MAMDC2: variants seen among roughly 807,000 people sequenced by gnomAD.
MAMDC2 encodes the protein MAM domain-containing protein 2.
MAMDC2 carries 57 observed loss-of-function variants against 89.8 expected under a neutral mutation model. The observed-to-expected ratio is 0.63, with a 90% CI of 0.51 to 0.79. The LOEUF is 0.79. MAMDC2 is among the 30% of genes least tolerant of loss of function. MAMDC2 has a pLI of 0.00. For synonymous variants in MAMDC2, 313 were observed against 293.4 expected (o/e 1.07, Z -0.68); for missense variants, 800 against 820.6 (o/e 0.97, Z 0.31).
rs1826664565 is a variant in MAMDC2 at position 70,043,885 on chromosome 9, A to C, written c.-313A>C. On this transcript the variant is annotated 5_prime_UTR_variant, in exon 1 of 14. Coordinates refer to ENST00000377182, the MANE Select transcript of MAMDC2 (RefSeq NM_153267.5). ...CCCAGCCAGTCGTGGCTGGCCTTTC[A>C]AAGTGTGCAGTTGTCTCCTCCCTGT... is the stretch of plus-strand genomic sequence containing the variant. 3 of 465,636 alleles carry C rather than the reference A, an allele frequency of 6.4e-6. No homozygotes were observed. Among genetic ancestry groups the C allele is most frequent in the African/African-American group, 5.9e-5 (3 of 50,744 alleles). 28.8% of individuals were successfully genotyped at this position (465,636 alleles called of 1,614,324 possible).
chr9:70,219,042 T>A (rs2033505335), intron 12 of MAMDC2, among the ~76,000 whole-genome samples: 1 of 152,212 alleles, frequency 6.6e-6, no homozygotes, highest in Non-Finnish European at 1.5e-5. Context: ...TAAGTTTTGT[T>A]TTTTTAATGC....
At chr9:70,096,050 A>G (rs965307307) in intron 2 of MAMDC2, among the ~76,000 whole-genome samples, 5 of 151,718 alleles carry the variant, frequency 3.3e-5, no homozygotes, top group Admixed American at 6.6e-5. Flanking sequence ...TTGAGACACA[A>G]TCTTGCTCTC....
intron 6 of MAMDC2, 136 bp from the exon 7 acceptor site, chr9:70,131,383 T>C: frequency 3.2e-6 from 2 of 620,622 alleles, no homozygotes; most frequent in South Asian, 2.1e-5. Context: ...AAACTCATAT[T>C]TGGAAATCTG....
chr9:70,052,932 T>C (rs1335492790), intron 2 of MAMDC2, among the ~76,000 whole-genome samples: 1 of 152,202 alleles, frequency 6.6e-6, no homozygotes, highest in Non-Finnish European at 1.5e-5. Context: ...TCTTGGATTA[T>C]TTACCCATCA....
chr9:70,132,222 C>A (rs2030837687), intron 7 of MAMDC2, among the ~76,000 whole-genome samples: 1 of 152,046 alleles, frequency 6.6e-6, no homozygotes, highest in African/African-American at 2.4e-5. Flanking sequence ...TTTTTACTCT[C>A]TGGAAAAATA....
chr9:70,209,794 A>C (rs1216125176), intron 11 of MAMDC2, among the ~76,000 whole-genome samples: 1 of 152,180 alleles, frequency 6.6e-6, no homozygotes, highest in Non-Finnish European at 1.5e-5. Flanking sequence ...TTCCCTCTAC[A>C]CACTGCTTTA....
chr9:70,070,778 AT>A (rs1827385672), intron 2 of MAMDC2, among the ~76,000 whole-genome samples: 1 of 151,952 alleles, frequency 6.6e-6, no homozygotes, highest in African/African-American at 2.4e-5. Flanking sequence ...GTCTTATCCC[AT>A]TTCTTATTTG....
Position 70,143,883 on chromosome 9 carries a change from G to T in MAMDC2, c.1404+64G>T, listed in dbSNP as rs939252059. ...TGCTGGACTAGTTTTGTGAATGTCC[G>T]TCTAGCTACTGTCAACTGGTGATGT... On this transcript the variant is annotated intron_variant, in intron 9 of 13. Transcript: ENST00000377182. 1.9e-6 allele frequency: 3 copies of T among 1,563,350 alleles called. No individual in the cohort carries two copies. In the African/African-American group the frequency reaches 4.1e-5, roughly 21 times the overall value.
chr9:70,076,289 CAGGCACCTGT>C (rs1827531792), intron 2 of MAMDC2, among the ~76,000 whole-genome samples: 1 of 152,036 alleles, frequency 6.6e-6, no homozygotes, highest in South Asian at 2.1e-4. Context: ...AGTGTGGTGG[CAGGCACCTGT>C]AGTTTCAGCT....
intron 2 of MAMDC2, among the ~76,000 whole-genome samples, chr9:70,068,666 G>A (rs989249266): frequency 2.6e-4 from 37 of 143,832 alleles, no homozygotes; most frequent in African/African-American, 9.2e-4. Flanking sequence ...GGCAGAGGTT[G>A]CAGTGAGATC....
chr9:70,219,266 C>G (rs972616923), intron 12 of MAMDC2, among the ~76,000 whole-genome samples: 1 of 152,242 alleles, frequency 6.6e-6, no homozygotes, highest in African/African-American at 2.4e-5. Context: ...CACCTGCCTT[C>G]TGATAGCCAC....
chr9:70,047,973 A>G (rs1826797701), intron 2 of MAMDC2, among the ~76,000 whole-genome samples: 1 of 152,196 alleles, frequency 6.6e-6, no homozygotes, highest in Non-Finnish European at 1.5e-5. Flanking sequence ...TCCACTGGAC[A>G]CAGAATAGGT....
intron 5 of MAMDC2, among the ~76,000 whole-genome samples, chr9:70,124,219 GT>G (rs991476723): frequency 3.3e-4 from 50 of 152,126 alleles, no homozygotes; most frequent in Non-Finnish European, 1.2e-4. Context: ...ACTATCAGAT[GT>G]TTTTATTTTT....
chr9:70,194,076 T>C (rs1312175415), intron 11 of MAMDC2: 3 of 152,120 alleles, frequency 2.0e-5, no homozygotes, highest in Admixed American at 2.0e-4. Flanking sequence ...AAGGGAGCTA[T>C]AGTTCCTGAC....
intron 8 of MAMDC2, 149 bp from the exon 9 acceptor site, chr9:70,143,405 C>T (rs746078038): frequency 1.5e-5 from 13 of 846,160 alleles, no homozygotes; most frequent in Non-Finnish European, 2.3e-5. Flanking sequence ...TTTTCTGTCA[C>T]TTAAGCCACA....
intron 2 of MAMDC2, chr9:70,083,740 C>G (rs1827707575): frequency 6.7e-6 from 1 of 149,378 alleles, no homozygotes; most frequent in African/African-American, 2.4e-5. Flanking sequence ...AAGCCAAAGT[C>G]CAGCCTATCA....
chr9:70,057,216 C>G (rs1272057015), intron 2 of MAMDC2, among the ~76,000 whole-genome samples: 1 of 152,138 alleles, frequency 6.6e-6, no homozygotes, highest in African/African-American at 2.4e-5. Flanking sequence ...AAAGAAAATT[C>G]TGCTAACTGT....
At position 70,226,723 on chromosome 9, in the gene MAMDC2, T is replaced by C. The variant is rs553139631; in HGVS notation, c.*691T>C. 1.3e-5 allele frequency: 2 copies of C among 152,154 alleles called. No homozygotes were observed. The highest frequency in any genetic ancestry group is 4.2e-4 in the South Asian group (2 of 4,814). The allele number at this position is 152,154 out of a possible 1,614,324, so 9.4% of individuals were successfully genotyped here. Reference sequence around the variant, plus strand: ...TCACTATGAGCACATGGATAGAAATTTAACTTTTTTTTGTAAAGCAAGCTT... The same window carrying C: ...TCACTATGAGCACATGGATAGAAATCTAACTTTTTTTTGTAAAGCAAGCTT... On this transcript the variant is annotated 3_prime_UTR_variant, in exon 14 of 14. Coordinates refer to ENST00000377182, the MANE Select transcript of MAMDC2 (RefSeq NM_153267.5).
chr9:70,116,007 G>A (rs2029969781), intron 5 of MAMDC2, among the ~76,000 whole-genome samples: 1 of 152,204 alleles, frequency 6.6e-6, no homozygotes. Flanking sequence ...ACAAGGAACA[G>A]AAAGGATCTT....
Sources: allele counts gnomAD v4.1 joint callset (sites outside exome capture counted in the v4.1 genomes callset), GRCh38; gene constraint gnomAD v4.1.1; transcripts MANE v1.5; gene names NCBI Gene and HGNC (gene_info 2026-07-23, HGNC 2026-07-21).